The following WWOX variants were observed in gnomAD, a reference collection of about 807,000 sequenced individuals.
WWOX encodes the protein WW domain containing oxidoreductase, also known as WW domain-containing oxidoreductase.
A neutral mutation model predicts 46.2 loss-of-function variants in WWOX; 69 were observed. That is an observed-to-expected ratio of 1.49 (90% CI 1.23 to 1.82). WWOX has a LOEUF of 1.82. WWOX is among the 40% of genes most tolerant of loss of function. The probability of loss-of-function intolerance (pLI) is 0.00; values close to 1 mark genes in which losing one functional copy is unlikely to be tolerated. For synonymous variants in WWOX, 359 were observed against 202.6 expected (o/e 1.77, Z -6.56); for missense variants, 919 against 542.6 (o/e 1.69, Z -6.89).
At chr16:78,911,732 G>A (rs1446663574) in intron 8 of WWOX, among the ~76,000 whole-genome samples, 1 of 152,004 alleles carries the variant, frequency 6.6e-6, no homozygotes, top group Non-Finnish European at 1.5e-5. Context: ...CAGACGTGAT[G>A]GTGCGTACCT....
At chr16:78,834,276 G>GTCC (rs2151161492) in intron 8 of WWOX, among the ~76,000 whole-genome samples, 1 of 152,280 alleles carries the variant, frequency 6.6e-6, no homozygotes, top group Admixed American at 6.5e-5. Flanking sequence ...CTGGGACCAT[G>GTCC]TCCCCATTGA....
chr16:78,693,107 A>G (rs1196955735), intron 8 of WWOX, among the ~76,000 whole-genome samples: 1 of 152,240 alleles, frequency 6.6e-6, no homozygotes, highest in Non-Finnish European at 1.5e-5. Context: ...AAGGTTCAGC[A>G]AGATGCTTGT....
chr16:78,627,806 G>T (rs970083835), intron 8 of WWOX, among the ~76,000 whole-genome samples: 17 of 152,232 alleles, frequency 1.1e-4, no homozygotes, highest in Non-Finnish European at 1.3e-4. Flanking sequence ...AGTGATTTCA[G>T]GGTGTTGGGC....
At chr16:78,842,400 G>C (rs909142881) in intron 8 of WWOX, among the ~76,000 whole-genome samples, 19 of 152,018 alleles carry the variant, frequency 1.2e-4, no homozygotes, top group Non-Finnish European at 2.6e-4. Flanking sequence ...CTGCTCGGGA[G>C]GCCAAGATGG....
intron 8 of WWOX, among the ~76,000 whole-genome samples, chr16:78,446,508 G>A (rs972120485): frequency 6.6e-6 from 1 of 152,060 alleles, no homozygotes; most frequent in Non-Finnish European, 1.5e-5. Flanking sequence ...GTAAATGCCA[G>A]CAAGTGTTAG....
chr16:78,883,057 G>T (rs751033692), intron 8 of WWOX, among the ~76,000 whole-genome samples: 14 of 152,158 alleles, frequency 9.2e-5, no homozygotes, highest in Non-Finnish European at 1.5e-4. Context: ...GCACCTTAGC[G>T]GTTCGCCTTT....
chr16:78,575,347 G>T (rs1208028203), intron 8 of WWOX, among the ~76,000 whole-genome samples: 1 of 150,928 alleles, frequency 6.6e-6, no homozygotes, highest in African/African-American at 2.4e-5. Flanking sequence ...GAACGTATTT[G>T]TTTAGAGGAT....
intron 5 of WWOX, among the ~76,000 whole-genome samples, chr16:78,246,031 C>T (rs890374324): frequency 6.6e-6 from 1 of 152,172 alleles, no homozygotes; most frequent in Non-Finnish European, 1.5e-5. Flanking sequence ...TAAGGCTCCA[C>T]GCTTTAGCAC....
intron 8 of WWOX, among the ~76,000 whole-genome samples, chr16:79,057,237 A>C (rs1416700659): frequency 6.6e-6 from 1 of 152,210 alleles, no homozygotes; most frequent in East Asian, 1.9e-4. Flanking sequence ...TTTAGGATAC[A>C]TCACCAGTCT....
intron 5 of WWOX, among the ~76,000 whole-genome samples, chr16:78,300,090 A>G (rs1335340345): frequency 6.6e-6 from 1 of 152,202 alleles, no homozygotes; most frequent in East Asian, 1.9e-4. Context: ...AATTGAGTAG[A>G]AATTAAGACA....
At chr16:78,542,584 A>C (rs1188479270) in intron 8 of WWOX, among the ~76,000 whole-genome samples, 1 of 149,296 alleles carries the variant, frequency 6.7e-6, no homozygotes, top group African/African-American at 2.5e-5. Context: ...CTGGAATTGA[A>C]CTTAAGCAGG....
chr16:78,155,729 C>T (rs1172366123), intron 4 of WWOX, among the ~76,000 whole-genome samples: 1 of 151,948 alleles, frequency 6.6e-6, no homozygotes, highest in Non-Finnish European at 1.5e-5. Context: ...TTTAGTAAAC[C>T]ATTGCCTTCA....
chr16:78,234,426 C>T (rs1320582754), intron 5 of WWOX, among the ~76,000 whole-genome samples: 1 of 152,074 alleles, frequency 6.6e-6, no homozygotes, highest in Non-Finnish European at 1.5e-5. Flanking sequence ...GTGTGGGCCC[C>T]AGACTTTCGC....
At chr16:78,655,991 G>C (rs1312530342) in intron 8 of WWOX, among the ~76,000 whole-genome samples, 1 of 152,112 alleles carries the variant, frequency 6.6e-6, no homozygotes, top group Non-Finnish European at 1.5e-5. Context: ...GGGAAAAAAA[G>C]AGAAACACAA....
chr16:78,729,775 A>G (rs942683718), intron 8 of WWOX, among the ~76,000 whole-genome samples: 4 of 152,222 alleles, frequency 2.6e-5, no homozygotes, highest in Non-Finnish European at 5.9e-5. Flanking sequence ...GAAGTCCCTC[A>G]GCTGCTAAGG....
chr16:78,818,991 T>C (rs185469515), intron 8 of WWOX, among the ~76,000 whole-genome samples: 1 of 152,302 alleles, frequency 6.6e-6, no homozygotes, highest in East Asian at 1.9e-4. Context: ...CTAATCCTCA[T>C]TGTGCTTAGC....
chr16:79,053,041 G>C (rs1009690255), intron 8 of WWOX, among the ~76,000 whole-genome samples: 6 of 152,078 alleles, frequency 3.9e-5, no homozygotes, highest in Non-Finnish European at 8.8e-5. Context: ...ACAGAGCAAA[G>C]TAATTAGATG....
chr16:78,737,437 T>G (rs1288031153), intron 8 of WWOX, among the ~76,000 whole-genome samples: 1 of 152,042 alleles, frequency 6.6e-6, no homozygotes, highest in East Asian at 1.9e-4. Context: ...ATGCCCAGCC[T>G]TATATATGTA....
intron 8 of WWOX, among the ~76,000 whole-genome samples, chr16:78,479,244 G>A (rs1217981521): frequency 6.6e-6 from 1 of 152,100 alleles, no homozygotes; most frequent in Non-Finnish European, 1.5e-5. Flanking sequence ...TATGTGTCTG[G>A]CACCACTTCA....
Sources: gnomAD v4.1 joint callset for allele counts (sites outside exome capture counted in the v4.1 genomes callset) on GRCh38, gnomAD v4.1.1 for gene constraint, MANE v1.5 for transcripts, NCBI Gene and HGNC (gene_info 2026-07-23, HGNC 2026-07-21) for gene names.